PKD1: variants seen among roughly 807,000 people sequenced by gnomAD.
PKD1 encodes the protein polycystin 1, transient receptor potential channel interacting.
PKD1 carries 81 observed loss-of-function variants against 361.7 expected under a neutral mutation model. The ratio of observed to expected loss-of-function variants is 0.22; its 90% CI spans 0.19 to 0.27. The LOEUF (loss-of-function observed/expected upper bound fraction) is 0.27, where lower values mean the gene tolerates loss of function less well. Among genes scored for constraint, PKD1 ranks in the 10% least tolerant of loss-of-function variants. PKD1 has a pLI of 1.00. For missense variants in PKD1, 6,399 were observed against 6,118.3 expected (o/e 1.05, Z -1.53); for synonymous variants, 3,615 against 2,818.3 (o/e 1.28, Z -8.95).
chr16:2,114,032 G>C (rs1415631227), intron 11 of PKD1, 138 bp downstream of exon 11: 2 of 756,684 alleles, frequency 2.6e-6, no homozygotes, highest in Non-Finnish European at 4.3e-6. Flanking sequence ...GAGCCAGCCA[G>C]CAGGACCTGC....
Position 2,118,226 on chromosome 16 carries a change from C to A in PKD1, c.766G>T (p.Ala256Ser), listed in dbSNP as rs960736231. ...AGGGTGGGGCCCCTACAGGTGGGGG[C>A]AGGAGGTGGCGGGGGGCCGGAGCAG... ...SLCSGPPPPP[A>S]PTCRGPTLLQ... Residue 256 changes from alanine (A) to serine (S), a missense_variant, in exon 5 of 46, where the codon GCC (alanine) becomes TCC (serine). Ala to Ser is a moderately conservative substitution (Grantham distance 99). Coordinates refer to ENST00000262304, the MANE Select transcript of PKD1 (RefSeq NM_001009944.3). This position sits in a 1 kb window ranked among gnomAD's most constrained non-coding sequence, Gnocchi z 6.0. 8 of 1,531,852 alleles carry A rather than the reference C, an allele frequency of 5.2e-6. No individual in the cohort carries two copies. In the African/African-American group the frequency reaches 1.1e-4, roughly 21 times the overall value. The allele number at this position is 1,531,852 out of a possible 1,614,324, so 94.9% of individuals were successfully genotyped here.
At position 2,100,613 on chromosome 16, in the gene PKD1, A is replaced by G. The variant is rs373168276; in HGVS notation, c.9398-47T>C. 1 of 1,521,658 alleles carries G rather than the reference A, an allele frequency of 6.6e-7. No individual in the cohort carries two copies. Among genetic ancestry groups the G allele is most frequent in the East Asian group, 2.3e-5 (1 of 44,354 alleles). 94.3% of individuals were successfully genotyped at this position (1,521,658 alleles called of 1,614,324 possible). A position where few individuals can be genotyped will look rare whatever the true frequency, so the allele number is the denominator to read the frequency against. ...TGGGAGGCTCGGTCTGCTGCCCAAC[A>G]CGTGTGGCATCCCAGGCAAGTCATC... is the stretch of plus-strand genomic sequence containing the variant. On this transcript the variant is annotated intron_variant, in intron 26 of 45. Transcript: ENST00000262304. This position sits in a 1 kb window ranked among gnomAD's most constrained non-coding sequence, Gnocchi z 4.4.
chr16:2,117,672 G>A lies in PKD1; in HGVS notation c.1202C>T (p.Ala401Val), dbSNP rs139917246. 2.7e-4 allele frequency: 434 copies of A among 1,608,452 alleles called. 4 individuals carry two copies. The African/African-American group carries it at 4.9e-3, about 18-fold the overall frequency. The change falls in exon 6 of 46, where the codon GCG (alanine) becomes GTG (valine). Residue 401 changes from alanine to valine, a missense_variant and splice_region_variant. Ala to Val is a moderately conservative substitution (Grantham distance 64, BLOSUM62 0). Coordinates refer to ENST00000262304, the MANE Select transcript of PKD1 (RefSeq NM_001009944.3). ...IVALGEEPAR[A>V]VHPLCPSDTE... ...GTCCGAGGGGCAGAGCGGGTGCACC[G>A]CTGGAGACCGGTGGGAACGAGGGTG... is the stretch of plus-strand genomic sequence containing the variant.
At position 2,090,685 on chromosome 16, in the gene PKD1, G is replaced by C. The variant is rs765619654; in HGVS notation, c.12127C>G (p.Leu4043Val). 3.1e-6 allele frequency: 5 copies of C among 1,612,206 alleles called. No homozygotes were observed. The highest frequency in any genetic ancestry group is 1.3e-5 in the African/African-American group (1 of 75,028). ...GCGCAGTCACCTACCAGGATGGCCA[G>C]CTGGGCGTAGGCTACCCCGAGCACC... ...LVVLGVAYAQ[L>V]AILLVSSCVD... Residue 4043 changes from leucine to valine, a missense_variant, in exon 44 of 46, where the codon CTG (leucine) becomes GTG (valine). By Grantham distance (32) the Leu-to-Val change is conservative. Coordinates refer to ENST00000262304, the MANE Select transcript of PKD1 (RefSeq NM_001009944.3).
intron 8 of PKD1, 70 bp from the exon 9 acceptor site, chr16:2,116,188 G>A (rs762663649): frequency 1.2e-5 from 18 of 1,504,292 alleles, no homozygotes; most frequent in African/African-American, 2.7e-5. Flanking sequence ...CCCCCTACCC[G>A]AACTTCCCAG....
Position 2,093,533 on chromosome 16 carries a change from C to T in PKD1, c.11016+11G>A. On this transcript the variant is annotated intron_variant, in intron 37 of 45. Transcript: ENST00000262304. ...GGAGGTGGCAGGGGCACAGGCCGCA[C>T]CCAGGCTCACCCGCAGCATGCCATG... The T allele has an allele frequency of 6.3e-7, 1 of 1,590,600 alleles. No individual in the cohort carries two copies. Among genetic ancestry groups the T allele is most frequent in the Non-Finnish European group, 8.6e-7 (1 of 1,168,604 alleles).
chr16:2,132,175 G>A (rs1195062405), intron 1 of PKD1, among the ~76,000 whole-genome samples: 5 of 151,772 alleles, frequency 3.3e-5, no homozygotes, highest in African/African-American at 7.3e-5. Flanking sequence ...ACTTGAACCC[G>A]GGAGGCGGAG....
chr16:2,105,724 G>C, intron 20 of PKD1, 141 bp downstream of exon 20: 1 of 1,287,262 alleles, frequency 7.8e-7, no homozygotes, highest in Non-Finnish European at 1.1e-6. Flanking sequence ...GGAGCGGAAG[G>C]TCGGGGTGCT....
Position 2,118,658 on chromosome 16 carries a change from C to T in PKD1, c.529+18G>A. 7.4e-7 allele frequency: 1 copy of T among 1,348,282 alleles called. No homozygotes were observed. The highest frequency in any genetic ancestry group is 1.2e-5 in the South Asian group (1 of 80,874). The allele number at this position is 1,348,282 out of a possible 1,614,324, so 83.5% of individuals were successfully genotyped here. A position where few individuals can be genotyped will look rare whatever the true frequency, so the allele number is the denominator to read the frequency against. On this transcript the variant is annotated intron_variant, in intron 4 of 45. Transcript: ENST00000262304. The surrounding 1 kb of genome is among the most constrained non-coding windows in gnomAD (Gnocchi z 6.0). ...CTGGCTGGGAAGGACAGAGCTGGCCCCACCCACCGGCACTCACCACAGCCA... is the reference window on the plus strand; with the variant it reads ...CTGGCTGGGAAGGACAGAGCTGGCCTCACCCACCGGCACTCACCACAGCCA...
At chr16:2,104,275 GA>G (rs1432988658) in intron 22 of PKD1, among the ~76,000 whole-genome samples, 1 of 58,876 alleles carries the variant, frequency 1.7e-5, no homozygotes, top group Non-Finnish European at 3.3e-5. Context: ...GACGGGGGGG[GA>G]AATGGAGAAA....
At position 2,118,398 on chromosome 16, in the gene PKD1, T is replaced by C; in HGVS notation, c.594A>G (p.Ser198=). The part of the protein sequence containing the change: ...SSGTVAAVSF[S]AAHEGLLQPE... The stretch of plus-strand genomic sequence containing the variant: ...GCTGAAGCAGGCCTTCGTGGGCAGC[T>C]GAAAAGGACACTGCTGCCACGGTGC... The change falls in exon 5 of 46, where the codon TCA becomes TCG. Residue 198 remains serine, a synonymous_variant. Transcript: ENST00000262304. This position sits in a 1 kb window ranked among gnomAD's most constrained non-coding sequence, Gnocchi z 6.0. 8.1e-7 allele frequency: 1 copy of C among 1,229,114 alleles called. No individual in the cohort carries two copies. Among genetic ancestry groups the C allele is most frequent in the Non-Finnish European group, 1.2e-6 (1 of 868,058 alleles). 76.1% of individuals were successfully genotyped at this position (1,229,114 alleles called of 1,614,324 possible).
At position 2,099,957 on chromosome 16, in the gene PKD1, G is replaced by C. The variant is rs1367020335; in HGVS notation, c.9827C>G (p.Thr3276Ser). The C allele has an allele frequency of 3.2e-6, 5 of 1,564,064 alleles. No homozygotes were observed. Among genetic ancestry groups the C allele is most frequent in the Admixed American group, 1.9e-5 (1 of 52,494 alleles). ...IWDRPPRSRF[T>S]RIQRATCCVL... ...GCAGCAGGTGGCCCTCTGGATGCGA[G>C]TGAAACGGCTACGAGGCGGCCGGTC... Residue 3276 changes from threonine (T) to serine (S), a missense_variant, in exon 29 of 46, where the codon ACT becomes AGT. Coordinates refer to ENST00000262304, the MANE Select transcript of PKD1 (RefSeq NM_001009944.3).
Position 2,110,115 on chromosome 16 carries a change from C to A in PKD1, c.5052G>T (p.Ser1684=), listed in dbSNP as rs759135764. 1.2e-6 allele frequency: 2 copies of A among 1,609,410 alleles called. No individual in the cohort carries two copies. Among genetic ancestry groups the A allele is most frequent in the African/African-American group, 1.3e-5 (1 of 74,826 alleles). The change falls in exon 15 of 46, where the codon TCG becomes TCT. Residue 1684 remains serine, a synonymous_variant. Transcript: ENST00000262304. ...PALAGSGKGF[S]LTVLEAGTYH... ...AGGTGCCGGCCTCGAGCACGGTGAGCGAGAAGCCTTTGCCGCTGCCGGCCA... is the reference window on the plus strand; with the variant it reads ...AGGTGCCGGCCTCGAGCACGGTGAGAGAGAAGCCTTTGCCGCTGCCGGCCA...
intron 21 of PKD1, 51 bp from the exon 22 acceptor site, chr16:2,104,693 C>T (rs1381181894): frequency 1.5e-5 from 16 of 1,080,188 alleles, no homozygotes; most frequent in Non-Finnish European, 2.0e-5. Context: ...ACTCCTTGCA[C>T]ACGCCCTCCT....
chr16:2,089,351 A>T lies in PKD1; in HGVS notation c.*376T>A. 2.9e-6 allele frequency: 1 copy of T among 343,156 alleles called. No individual in the cohort carries two copies. Among genetic ancestry groups the T allele is most frequent in the Non-Finnish European group, 5.4e-6 (1 of 184,382 alleles). 21.3% of individuals were successfully genotyped at this position (343,156 alleles called of 1,614,324 possible). ...ACTGGAGAGGTAATAACTTAGGGGCAGGGTGGCGGCGGTGCAGGCTAACCC... is the reference window on the plus strand; with the variant it reads ...ACTGGAGAGGTAATAACTTAGGGGCTGGGTGGCGGCGGTGCAGGCTAACCC... On this transcript the variant is annotated 3_prime_UTR_variant, in exon 46 of 46. Coordinates refer to ENST00000262304, the MANE Select transcript of PKD1 (RefSeq NM_001009944.3).
In PKD1 at chr16:2,111,146, C is replaced by T. The variant is rs1242681993; in HGVS notation, c.4021G>A (p.Gly1341Arg). 6.2e-7 allele frequency: 1 copy of T among 1,611,114 alleles called. No homozygotes were observed. Among genetic ancestry groups the T allele is most frequent in the Non-Finnish European group, 8.5e-7 (1 of 1,179,758 alleles). ...GDGSSNTTVR[G>R]CPTVTHNFTR... ...AAGTTGTGTGTCACCGTCGGGCACC[C>T]CCGCACGGTCGTGTTGGAGGAGCCA... Residue 1341 changes from glycine to arginine, a missense_variant, in exon 15 of 46, where the codon GGG (glycine) becomes AGG (arginine). Coordinates refer to ENST00000262304, the MANE Select transcript of PKD1 (RefSeq NM_001009944.3).
At position 2,108,345 on chromosome 16, in the gene PKD1, C is replaced by T. The variant is rs1168855084; in HGVS notation, c.6822G>A (p.Leu2274=). 2 of 1,608,492 alleles carry T rather than the reference C, an allele frequency of 1.2e-6. No homozygotes were observed. The highest frequency in any genetic ancestry group is 2.7e-5 in the African/African-American group (2 of 74,846). ...SYRVWSDTRD[L]VLDGSESYDP... ...CGTAGGACTCGCTCCCATCCAGCAC[C>T]AGGTCCCGTGTGTCTGACCACACGC... The change falls in exon 15 of 46, where the codon CTG becomes CTA. Residue 2274 remains leucine (L), a synonymous_variant. Transcript: ENST00000262304.
At chr16:2,101,725 G>A (rs1032174094) in intron 26 of PKD1, among the ~76,000 whole-genome samples, 3 of 152,284 alleles carry the variant, frequency 2.0e-5, no homozygotes, top group Admixed American at 1.3e-4. Context: ...TGGCGCCTCC[G>A]TCTGAGAGAC....
At chr16:2,099,370 G>C (rs1372545876) in intron 30 of PKD1, 4 of 496,682 alleles carry the variant, frequency 8.1e-6, no homozygotes, top group Non-Finnish European at 1.5e-5. Context: ...CCGCGTGCTT[G>C]CTTCTTCTGA....
Sources: allele counts gnomAD v4.1 joint callset (sites outside exome capture counted in the v4.1 genomes callset), GRCh38; gene constraint gnomAD v4.1.1; non-coding constraint Gnocchi (gnomAD v3.1); transcripts MANE v1.5; gene names NCBI Gene and HGNC (gene_info 2026-07-23, HGNC 2026-07-21).